UGGT1: variants seen among roughly 807,000 people sequenced by gnomAD.
The protein encoded by UGGT1 is UDP-glucose:glycoprotein glucosyltransferase 1.
UGGT1 carries 107 observed loss-of-function variants against 203.9 expected under a neutral mutation model. The ratio of observed to expected loss-of-function variants is 0.52; its 90% CI spans 0.45 to 0.62. UGGT1 has a LOEUF of 0.62. UGGT1 is among the 20% of genes least tolerant of loss of function. The pLI, the probability that UGGT1 is intolerant of heterozygous loss-of-function variation, is 0.00. For synonymous variants in UGGT1, 628 were observed against 653.5 expected, an observed-to-expected ratio of 0.96 and a Z score of 0.59; for missense variants, 1,673 against 1,867.2, an observed-to-expected ratio of 0.90 and a Z score of 1.92.
Position 128,134,947 on chromosome 2 carries a change from T to C in UGGT1, c.1569T>C (p.Asn523=). ...LMNTAEMFLS[N]HIPLRIGFIF... ...ACACAGCTGAGATGTTCCTTAGTAA[T>C]CATATACCACTAAGGTAACACTGGT... Residue 523 remains asparagine, a synonymous_variant, in exon 15 of 41, where the codon AAT becomes AAC. Transcript: ENST00000259253. 2 of 1,613,490 alleles carry C rather than the reference T, an allele frequency of 1.2e-6. No individual in the cohort carries two copies. The highest frequency in any genetic ancestry group is 1.7e-6 in the Non-Finnish European group (2 of 1,179,612).
intron 16 of UGGT1, chr2:128,140,474 A>T (rs1000346190): frequency 5.2e-5 from 8 of 152,508 alleles, no homozygotes; most frequent in African/African-American, 1.9e-4. Flanking sequence ...GAGCGCTGGC[A>T]GTGGAGCAGC....
Position 128,179,837 on chromosome 2 carries a change from G to T in UGGT1, c.3867G>T (p.Trp1289Cys). ...ATACCAAGACTCCTGTGAAATTCTG[G>T]TTCTTGAAGAATTACTTGTCCCCCA... is the stretch of plus-strand genomic sequence containing the variant. ...LKNTKTPVKF[W>C]FLKNYLSPTF... The change falls in exon 35 of 41, where the codon TGG (tryptophan) becomes TGT (cysteine). Residue 1289 changes from tryptophan (W) to cysteine (C), a missense_variant. Physicochemically the swap from Trp to Cys is radical, Grantham distance 215 (BLOSUM62 -2). Transcript: ENST00000259253. 1 of 1,613,954 alleles carries T rather than the reference G, an allele frequency of 6.2e-7. No individual in the cohort carries two copies. Among genetic ancestry groups the T allele is most frequent in the Non-Finnish European group, 8.5e-7 (1 of 1,179,944 alleles).
rs762031214 is a variant in UGGT1, at chr2:128,145,799, T to G, written c.1852-4T>G. 1.2e-5 allele frequency: 19 copies of G among 1,557,420 alleles called. No homozygotes were observed. In the East Asian group the frequency reaches 4.4e-4, roughly 36 times the overall value. ...TACTGTTTTTGTGGTTACTTGTGTT[T>G]CAGGAAGCAAGAGGCTACTATGAGC... On this transcript the variant is annotated splice_region_variant and splice_polypyrimidine_tract_variant and intron_variant, in intron 17 of 40. Transcript: ENST00000259253.
intron 13 of UGGT1, 91 bp downstream of exon 13, chr2:128,129,270 C>A: frequency 7.2e-7 from 1 of 1,390,608 alleles, no homozygotes. Flanking sequence ...TGAAGTTACT[C>A]CCACCATCTC....
chr2:128,116,964 A>C lies in UGGT1; in HGVS notation c.872+621A>C, dbSNP rs1688130740. ...AGGAGAAATTGAATTGTTTCACTTAATATTTTCCCAGGAAAAAATGTATTT... is the reference window on the plus strand; with the variant it reads ...AGGAGAAATTGAATTGTTTCACTTACTATTTTCCCAGGAAAAAATGTATTT... On this transcript the variant is annotated intron_variant, in intron 8 of 40. Coordinates refer to ENST00000259253, the MANE Select transcript of UGGT1 (RefSeq NM_020120.4). Among the ~76,000 whole-genome samples, 4 of 152,260 alleles carry C rather than the reference A, an allele frequency of 2.6e-5. No individual in the cohort carries two copies. The South Asian group carries it at 8.3e-4, about 32-fold the overall frequency.
At chr2:128,140,293 T>G (rs2105448411) in intron 16 of UGGT1, 1 of 155,120 alleles carries the variant, frequency 6.4e-6, no homozygotes, top group African/African-American at 2.4e-5. Flanking sequence ...CAGGATGCCG[T>G]CTTTGTCCCC....
At chr2:128,122,221 G>T (rs1183159098) in intron 10 of UGGT1, among the ~76,000 whole-genome samples, 1 of 147,432 alleles carries the variant, frequency 6.8e-6, no homozygotes, top group African/African-American at 2.5e-5. Flanking sequence ...TGATCCACCC[G>T]CCTTGTCTGG....
chr2:128,176,470 C>T (rs1213460245), intron 31 of UGGT1, among the ~76,000 whole-genome samples: 2 of 150,496 alleles, frequency 1.3e-5, no homozygotes, highest in Non-Finnish European at 3.0e-5. Context: ...GTTCAGGGGG[C>T]CTGTTCCCTG....
chr2:128,094,702 G>A (rs150485662), intron 1 of UGGT1, among the ~76,000 whole-genome samples: 1 of 150,508 alleles, frequency 6.6e-6, no homozygotes, highest in East Asian at 1.9e-4. Context: ...TGGGCCTGTG[G>A]GAAAGGGTGT....
At chr2:128,118,918 C>T (rs541048131) in intron 8 of UGGT1, among the ~76,000 whole-genome samples, 89 of 152,238 alleles carry the variant, frequency 5.8e-4, no homozygotes, top group Admixed American at 2.8e-3. Flanking sequence ...GATCTGCCCA[C>T]CTTGGCCTCC....
At chr2:128,181,157 G>T in intron 36 of UGGT1, 85 bp downstream of exon 36, 1 of 1,289,980 alleles carries the variant, frequency 7.8e-7, no homozygotes, top group Non-Finnish European at 1.1e-6. Context: ...TCCACTTATG[G>T]AAAAGGACAT....
intron 4 of UGGT1, among the ~76,000 whole-genome samples, chr2:128,109,240 G>C (rs1687741565): frequency 6.6e-6 from 1 of 152,038 alleles, no homozygotes; most frequent in African/African-American, 2.4e-5. Context: ...GTCTTGTTCT[G>C]TTGCCCAGGC....
chr2:128,177,698 G>A lies in UGGT1; in HGVS notation c.3625-134G>A. ...TATTGAATCCTTCTAGACTCTGGGT[G>A]GGGTTGTGCCTGTTTGTGAGAGAAT... On this transcript the variant is annotated intron_variant, in intron 32 of 40. Transcript: ENST00000259253. 7.9e-6 allele frequency: 5 copies of A among 636,380 alleles called. No homozygotes were observed. In the South Asian group the frequency reaches 9.9e-5, roughly 13 times the overall value. 39.4% of individuals were successfully genotyped at this position (636,380 alleles called of 1,614,324 possible). A position where few individuals can be genotyped will look rare whatever the true frequency, so the allele number is the denominator to read the frequency against.
In UGGT1 at chr2:128,183,699, G is replaced by T; in HGVS notation, c.4269G>T (p.Lys1423Asn). 6.2e-7 allele frequency: 1 copy of T among 1,614,024 alleles called. No individual in the cohort carries two copies. The highest frequency in any genetic ancestry group is 8.5e-7 in the Non-Finnish European group (1 of 1,179,900). The change falls in exon 38 of 41, where the codon AAG becomes AAT. Residue 1423 changes from lysine to asparagine, a missense_variant. Lys to Asn is a moderately conservative substitution (Grantham distance 94). Coordinates refer to ENST00000259253, the MANE Select transcript of UGGT1 (RefSeq NM_020120.4). ...HISALYVVDL[K>N]KFRKIAAGDR... ...GTGCACTATATGTTGTGGATCTGAA[G>T]AAGTTTAGGAAAATAGCTGCTGGTG...
chr2:128,153,057 C>A (rs879279874), intron 19 of UGGT1, among the ~76,000 whole-genome samples, 153 bp downstream of exon 19: 4 of 152,018 alleles, frequency 2.6e-5, no homozygotes, highest in Non-Finnish European at 5.9e-5. Context: ...CTCTTTGCAC[C>A]TTTAGTTCAT....
intron 1 of UGGT1, among the ~76,000 whole-genome samples, chr2:128,095,519 TCTCCTCCTGTCCCGTAA>T (rs1289853773): frequency 6.7e-6 from 1 of 149,778 alleles, no homozygotes; most frequent in Non-Finnish European, 1.5e-5. Flanking sequence ...CCTGTCCTGC[TCTCCTCCTGTCCCGTAA>T]CTCCTCCTGT....
intron 33 of UGGT1, 100 bp from the exon 34 acceptor site, chr2:128,178,368 A>T: frequency 9.9e-7 from 1 of 1,010,510 alleles, no homozygotes; most frequent in Non-Finnish European, 1.5e-6. Flanking sequence ...CTCACCCGCT[A>T]GGGAAGGATG....
intron 6 of UGGT1, 21 bp downstream of exon 6, chr2:128,113,279 C>T: frequency 6.4e-7 from 1 of 1,551,074 alleles, no homozygotes; most frequent in African/African-American, 1.4e-5. Context: ...ACTTATTTTA[C>T]ACCTGTTTTG....
intron 16 of UGGT1, chr2:128,140,155 A>C: frequency 5.9e-6 from 1 of 169,008 alleles, no homozygotes; most frequent in Non-Finnish European, 1.3e-5. Flanking sequence ...ACCCATATGC[A>C]GGGTCAGCTT....
Sources: allele counts gnomAD v4.1 joint callset (sites outside exome capture counted in the v4.1 genomes callset), GRCh38; gene constraint gnomAD v4.1.1; transcripts MANE v1.5; gene names NCBI Gene and HGNC (gene_info 2026-07-23, HGNC 2026-07-21).